The following RAPGEF5 variants were observed in gnomAD, a reference collection of about 807,000 sequenced individuals.
RAPGEF5 encodes Rap guanine nucleotide exchange factor 5.
In RAPGEF5, 65 loss-of-function variants were observed where a neutral mutation model predicts 125.2. The observed-to-expected ratio is 0.52, with a 90% CI of 0.43 to 0.64. RAPGEF5 has a LOEUF of 0.64. Ranked by LOEUF, RAPGEF5 falls within the 30% of genes least tolerant of loss-of-function variation. The pLI is 0.00. For synonymous variants in RAPGEF5, 391 were observed against 385.9 expected (o/e 1.01, Z -0.16); for missense variants, 958 against 1,048.1 (o/e 0.91, Z 1.19).
chr7:22,202,853 A>T, intron 9 of RAPGEF5: 1 of 241,950 alleles, frequency 4.1e-6, no homozygotes, highest in South Asian at 3.8e-5. Flanking sequence ...TTGCCTGTGA[A>T]ATGGGATAAT....
At chr7:22,176,609 G>T (rs1250960713) in intron 11 of RAPGEF5, among the ~76,000 whole-genome samples, 1 of 152,126 alleles carries the variant, frequency 6.6e-6, no homozygotes, top group Non-Finnish European at 1.5e-5. Flanking sequence ...GCTTACTGCA[G>T]CTTCCACTTA....
intron 8 of RAPGEF5, among the ~76,000 whole-genome samples, chr7:22,221,496 C>T (rs1045173546): frequency 9.9e-5 from 15 of 152,140 alleles, no homozygotes; most frequent in Non-Finnish European, 1.5e-4. Flanking sequence ...TTTGCAGAGT[C>T]GCCACCCAAA....
At chr7:22,240,590 C>T (rs1227567607) in intron 7 of RAPGEF5, among the ~76,000 whole-genome samples, 1 of 152,062 alleles carries the variant, frequency 6.6e-6, no homozygotes, top group East Asian at 1.9e-4. Flanking sequence ...CCAGGCTGGT[C>T]TTGGACTCCT....
chr7:22,132,382 T>C (rs1385979352), intron 23 of RAPGEF5, among the ~76,000 whole-genome samples: 1 of 150,090 alleles, frequency 6.7e-6, no homozygotes, highest in African/African-American at 2.4e-5. Context: ...TCCTCTCTTT[T>C]TTTTTTTTTG....
intron 1 of RAPGEF5, among the ~76,000 whole-genome samples, chr7:22,340,043 C>A (rs1012425318): frequency 2.0e-5 from 3 of 152,124 alleles, no homozygotes; most frequent in Admixed American, 2.0e-4. Context: ...GGGGTGAGGG[C>A]TTCTCTGACA....
intron 20 of RAPGEF5, among the ~76,000 whole-genome samples, chr7:22,142,919 T>A (rs1372078910): frequency 3.3e-5 from 5 of 152,220 alleles, no homozygotes; most frequent in African/African-American, 7.2e-5. Flanking sequence ...TAACTTTATG[T>A]TTCTGTTGGC....
chr7:22,288,168 C>T (rs76875202), intron 6 of RAPGEF5, among the ~76,000 whole-genome samples: 6,645 of 152,102 alleles, frequency 0.044, 172 homozygotes, highest in South Asian at 0.079. Context: ...TGGTATAAAC[C>T]ATTCAGTTAT....
chr7:22,198,356 C>G (rs1785201434), intron 9 of RAPGEF5, among the ~76,000 whole-genome samples: 1 of 152,124 alleles, frequency 6.6e-6, no homozygotes, highest in Admixed American at 6.5e-5. Context: ...ACTGGGCTAA[C>G]CTGAGAAGAA....
At chr7:22,176,922 A>G (rs1784527508) in intron 11 of RAPGEF5, among the ~76,000 whole-genome samples, 1 of 152,216 alleles carries the variant, frequency 6.6e-6, no homozygotes, top group Admixed American at 6.5e-5. Flanking sequence ...TATTGCCTGT[A>G]TTTAAAAATA....
chr7:22,216,188 T>A (rs183137236), intron 9 of RAPGEF5, among the ~76,000 whole-genome samples: 1 of 152,174 alleles, frequency 6.6e-6, no homozygotes, highest in African/African-American at 2.4e-5. Context: ...AAAGGTTCTT[T>A]CCAACATTTC....
Position 22,291,215 on chromosome 7 carries a change from T to C in RAPGEF5, c.707A>G (p.Glu236Gly). 6.3e-7 allele frequency: 1 copy of C among 1,576,108 alleles called. No homozygotes were observed. The highest frequency in any genetic ancestry group is 8.6e-7 in the Non-Finnish European group (1 of 1,162,616). Residue 236 changes from glutamate to glycine, a missense_variant, in exon 6 of 26, where the codon GAA (glutamate) becomes GGA (glycine). By Grantham distance (98) the Glu-to-Gly change is moderately conservative (BLOSUM62 -2). Transcript: ENST00000665637. ...ELSHQKIEDSEESSDEILVRL... is the reference protein window; with the variant it reads ...ELSHQKIEDSGESSDEILVRL... ...CACAAGAATTTCATCACTGCTTTCT[T>C]CGGAGTCTTCAATTTTCTGATGAGA...
intron 12 of RAPGEF5, among the ~76,000 whole-genome samples, chr7:22,165,329 AG>A (rs1422536707): frequency 1.3e-5 from 2 of 152,228 alleles, no homozygotes; most frequent in Admixed American, 6.5e-5. Flanking sequence ...TGTAGTTTAA[AG>A]GCATCTCATT....
At chr7:22,248,850 TTG>T (rs1786546770) in intron 7 of RAPGEF5, among the ~76,000 whole-genome samples, 1 of 152,050 alleles carries the variant, frequency 6.6e-6, no homozygotes, top group South Asian at 2.1e-4. Flanking sequence ...AGATGGCAAA[TTG>T]TATGGGTCAT....
rs76978924 is a variant in RAPGEF5 at position 22,152,011 on chromosome 7, A to G, written c.1787-1507T>C. 8.2e-3 allele frequency among the ~76,000 whole-genome samples: 1,254 copies of G among 152,306 alleles called. 18 individuals carry two copies. The highest frequency in any genetic ancestry group is 0.028 in the African/African-American group (1,172 of 41,562). On this transcript the variant is annotated intron_variant, in intron 17 of 25. Transcript: ENST00000665637. ...TACAAAATGCATATGGGAGTAGACT[A>G]AAGTCATATTAAAGTTTATTTCACT...
At chr7:22,185,116 C>G (rs979318249) in intron 11 of RAPGEF5, among the ~76,000 whole-genome samples, 3 of 152,174 alleles carry the variant, frequency 2.0e-5, no homozygotes, top group Admixed American at 1.3e-4. Flanking sequence ...TTCAATTATG[C>G]CTTTCATCCA....
intron 5 of RAPGEF5, among the ~76,000 whole-genome samples, chr7:22,302,045 GGTAA>G (rs1005238018): frequency 1.3e-5 from 2 of 152,168 alleles, no homozygotes; most frequent in East Asian, 1.9e-4. Flanking sequence ...GTAGATGCCT[GGTAA>G]GTAAGTCGCT....
At chr7:22,130,939 T>C in intron 24 of RAPGEF5, 98 bp downstream of exon 24, 2 of 1,468,810 alleles carry the variant, frequency 1.4e-6, no homozygotes. Context: ...ATGCATCCAA[T>C]GGAGAAAAGT....
At chr7:22,253,035 T>G (rs1021668881) in intron 7 of RAPGEF5, among the ~76,000 whole-genome samples, 3 of 151,848 alleles carry the variant, frequency 2.0e-5, no homozygotes, top group Non-Finnish European at 1.5e-5. Context: ...AGACAGGACG[T>G]GAATATACAA....
chr7:22,155,494 T>G (rs1783775111), intron 16 of RAPGEF5, among the ~76,000 whole-genome samples: 1 of 152,176 alleles, frequency 6.6e-6, no homozygotes, highest in South Asian at 2.1e-4. Flanking sequence ...GCAAAAAAAT[T>G]GAGAGTGAAG....
Sources: gnomAD v4.1 joint callset for allele counts (sites outside exome capture counted in the v4.1 genomes callset) on GRCh38, gnomAD v4.1.1 for gene constraint, MANE v1.5 for transcripts, NCBI Gene and HGNC (gene_info 2026-07-23, HGNC 2026-07-21) for gene names.